Variants in PATJ observed in about 807,000 individuals in gnomAD.
PATJ encodes the protein inaD-like protein.
In PATJ, 190 loss-of-function variants were observed where a neutral mutation model predicts 224.9. The observed-to-expected ratio is 0.84, with a 90% CI of 0.75 to 0.95. PATJ has a LOEUF of 0.95. Ranked by LOEUF, PATJ falls within the 40% of genes least tolerant of loss-of-function variation. The pLI, the probability that PATJ is intolerant of heterozygous loss-of-function variation, is 0.00. For missense variants in PATJ, 2,121 were observed against 2,270.3 expected, an observed-to-expected ratio of 0.93 and a Z score of 1.34; for synonymous variants, 769 against 820.3, an observed-to-expected ratio of 0.94 and a Z score of 1.07.
At chr1:62,073,202 T>C in intron 31 of PATJ, 5 of 985,430 alleles carry the variant, frequency 5.1e-6, no homozygotes, top group Non-Finnish European at 6.0e-6. Context: ...CTTTTATTAC[T>C]TGACAGGAGG....
rs775998484 is a variant in PATJ at position 61,864,421 on chromosome 1, G to A, written c.2623G>A (p.Glu875Lys). 5 of 1,613,740 alleles carry A rather than the reference G, an allele frequency of 3.1e-6. No homozygotes were observed. In the South Asian group the frequency reaches 5.5e-5, roughly 18 times the overall value. Residue 875 changes from glutamate (E) to lysine (K), a missense_variant, in exon 20 of 44, where the codon GAA (glutamate) becomes AAA (lysine). Physicochemically the swap from Glu to Lys is moderately conservative, Grantham distance 56. Coordinates refer to ENST00000642238, the MANE Select transcript of PATJ (RefSeq NM_001350145.3). ...DEEREILVDE[E>K]YELYQDPSPS... is the part of the protein sequence containing the mutation. ...AGAAAGAGAAATTCTTGTTGATGAA[G>A]AATATGAGTTATATCAAGATCCCTC...
intron 32 of PATJ, among the ~76,000 whole-genome samples, chr1:62,082,747 C>T (rs113910591): frequency 2.2e-4 from 34 of 152,160 alleles, no homozygotes; most frequent in African/African-American, 7.7e-4. Flanking sequence ...GATTTAGACT[C>T]ATATCATTTT....
chr1:61,829,706 TAA>T (rs1456195852), intron 16 of PATJ, among the ~76,000 whole-genome samples: 1 of 152,222 alleles, frequency 6.6e-6, no homozygotes, highest in East Asian at 1.9e-4. Flanking sequence ...TGTGGTTTCT[TAA>T]AGTCTTGGCT....
chr1:62,089,839 C>T (rs1239475238), intron 33 of PATJ, among the ~76,000 whole-genome samples: 4 of 152,130 alleles, frequency 2.6e-5, no homozygotes, highest in Admixed American at 2.6e-4. Flanking sequence ...AGACTCACTA[C>T]AGAAGAACCT....
At chr1:62,043,167 TA>T (rs1337988512) in intron 30 of PATJ, among the ~76,000 whole-genome samples, 1 of 152,180 alleles carries the variant, frequency 6.6e-6, no homozygotes, top group Non-Finnish European at 1.5e-5. Flanking sequence ...TCTTTTTCTG[TA>T]AAGCCAGGTT....
chr1:61,751,687 A>G (rs1645338641), intron 1 of PATJ, among the ~76,000 whole-genome samples: 1 of 151,872 alleles, frequency 6.6e-6, no homozygotes, highest in Non-Finnish European at 1.5e-5. Context: ...TTAGCCAGGT[A>G]TGGTGGTGCA....
In PATJ at chr1:61,991,482, A is replaced by T. The variant is rs968769514; in HGVS notation, c.3867+1118A>T. 13 of 985,034 alleles carry T rather than the reference A, an allele frequency of 1.3e-5. No homozygotes were observed. The Admixed American group carries it at 1.8e-4, about 14-fold the overall frequency. 61.0% of individuals were successfully genotyped at this position (985,034 alleles called of 1,614,324 possible). A position where few individuals can be genotyped will look rare whatever the true frequency, so the allele number is the denominator to read the frequency against. On this transcript the variant is annotated intron_variant, in intron 28 of 43. Transcript: ENST00000642238. ...TTGCATTTTACGATTTCCTCCTCAGACTCTGACTCAGAATAGAATTTACAG... is the reference window on the plus strand; with the variant it reads ...TTGCATTTTACGATTTCCTCCTCAGTCTCTGACTCAGAATAGAATTTACAG...
At chr1:61,996,410 T>C (rs1351973791) in intron 28 of PATJ, among the ~76,000 whole-genome samples, 1 of 152,198 alleles carries the variant, frequency 6.6e-6, no homozygotes, top group African/African-American at 2.4e-5. Context: ...TTGAAATCTT[T>C]TGGAAAACTT....
At chr1:62,049,232 G>A (rs1038101328) in intron 30 of PATJ, among the ~76,000 whole-genome samples, 5 of 127,566 alleles carry the variant, frequency 3.9e-5, no homozygotes, top group African/African-American at 1.2e-4. Flanking sequence ...CCACTCCCCA[G>A]AAGTAAGCAA....
At chr1:61,959,435 T>TATA (rs1430411264) in intron 27 of PATJ, among the ~76,000 whole-genome samples, 1 of 104,380 alleles carries the variant, frequency 9.6e-6, no homozygotes, top group Non-Finnish European at 1.8e-5. Flanking sequence ...ATTTTTTTTC[T>TATA]TTTCTTTTTT....
intron 25 of PATJ, among the ~76,000 whole-genome samples, chr1:61,911,445 C>G (rs1672622268): frequency 6.6e-6 from 1 of 152,070 alleles, no homozygotes; most frequent in Non-Finnish European, 1.5e-5. Flanking sequence ...AACTCCTGAC[C>G]TCGTGATCCG....
rs1015381972 is a variant in PATJ at position 62,148,190 on chromosome 1, G to C, written c.5272-94G>C. The C allele has an allele frequency of 4.6e-6, 3 of 649,246 alleles. No homozygotes were observed. The African/African-American group carries it at 5.5e-5, about 12-fold the overall frequency. The allele number at this position is 649,246 out of a possible 1,614,324, so 40.2% of individuals were successfully genotyped here. A position where few individuals can be genotyped will look rare whatever the true frequency, so the allele number is the denominator to read the frequency against. ...CAAATGGTCTAGATAAATTGAATAA[G>C]ATTAGGATTGAGAACTGACCCTTGG... On this transcript the variant is annotated intron_variant, in intron 41 of 43. Coordinates refer to ENST00000642238, the MANE Select transcript of PATJ (RefSeq NM_001350145.3).
intron 22 of PATJ, among the ~76,000 whole-genome samples, chr1:61,885,185 A>C (rs1466278366): frequency 2.6e-5 from 4 of 152,156 alleles, no homozygotes; most frequent in East Asian, 1.9e-4. Context: ...AATGGGATCT[A>C]ATTAAACTAA....
rs370488022 is a variant in PATJ, at chr1:61,814,547, T to TGTGTGTGTGTGC, written c.1683+6018_1683+6019insTGTGTGTGTGCG. Reference sequence around the variant, plus strand: ...GTGTGTGTGTGTGTGTGTGTGTGTGTGCGCGCGCGCGCGCATGTATGTGGG... The same window carrying TGTGTGTGTGTGC: ...GTGTGTGTGTGTGTGTGTGTGTGTGTGTGTGTGTGTGCGCGCGCGCGCGCGCATGTATGTGGG... On this transcript the variant is annotated intron_variant, in intron 14 of 43. Transcript: ENST00000642238. 2.3e-3 allele frequency among the ~76,000 whole-genome samples: 331 copies of TGTGTGTGTGTGC among 142,550 alleles called. 2 individuals are homozygous for TGTGTGTGTGTGC. The highest frequency in any genetic ancestry group is 8.4e-3 in the African/African-American group (313 of 37,178). 93.5% of individuals were successfully genotyped at this position (142,550 alleles called of 152,430 possible).
At chr1:61,857,372 G>A (rs1663866112) in intron 18 of PATJ, among the ~76,000 whole-genome samples, 1 of 152,124 alleles carries the variant, frequency 6.6e-6, no homozygotes, top group African/African-American at 2.4e-5. Flanking sequence ...TGAATCAATC[G>A]AGGCACAGAG....
At chr1:61,778,263 G>C (rs971354994) in intron 7 of PATJ, among the ~76,000 whole-genome samples, 1 of 152,118 alleles carries the variant, frequency 6.6e-6, no homozygotes, top group African/African-American at 2.4e-5. Context: ...CGATCTTCCT[G>C]CTTAGGCCTT....
intron 31 of PATJ, among the ~76,000 whole-genome samples, chr1:62,079,064 A>C (rs976723493): frequency 1.3e-5 from 2 of 152,088 alleles, no homozygotes; most frequent in African/African-American, 4.8e-5. Context: ...CAATGTGCAC[A>C]ACACAGATAA....
chr1:62,065,680 T>C (rs1167876647), intron 31 of PATJ, among the ~76,000 whole-genome samples: 1 of 152,206 alleles, frequency 6.6e-6, no homozygotes, highest in African/African-American at 2.4e-5. Context: ...ACTGGTCCAA[T>C]GTGGAGACTG....
In PATJ at chr1:61,825,946, A is replaced by G. The variant is rs149176794; in HGVS notation, c.1819-1476A>G. Among the ~76,000 whole-genome samples, 351 of 152,286 alleles carry G rather than the reference A, an allele frequency of 2.3e-3. 1 individual carries two copies. The highest frequency in any genetic ancestry group is 7.7e-3 in the African/African-American group (321 of 41,544). On this transcript the variant is annotated intron_variant, in intron 15 of 43. Transcript: ENST00000642238. Reference sequence around the variant, plus strand: ...TGCACCTGTGACACCAGTTGAAATCATGGATACGGTGTGACCAGTGATGGG... The same window carrying G: ...TGCACCTGTGACACCAGTTGAAATCGTGGATACGGTGTGACCAGTGATGGG...
Sources: allele counts gnomAD v4.1 joint callset (sites outside exome capture counted in the v4.1 genomes callset), GRCh38; gene constraint gnomAD v4.1.1; transcripts MANE v1.5; gene names NCBI Gene and HGNC (gene_info 2026-07-23, HGNC 2026-07-21).